The following SGCD variants were observed in gnomAD, a reference collection of about 807,000 sequenced individuals.
SGCD encodes the protein delta-sarcoglycan.
SGCD carries 18 observed loss-of-function variants against 36.6 expected under a neutral mutation model. That is an observed-to-expected ratio of 0.49 (90% CI 0.34 to 0.73). The LOEUF (loss-of-function observed/expected upper bound fraction) is 0.73. Ranked by LOEUF, SGCD falls within the 30% of genes least tolerant of loss-of-function variation. SGCD has a pLI of 0.01. For missense variants in SGCD, 387 were observed against 346.7 expected (o/e 1.12, Z -0.92); for synonymous variants, 133 against 130.6 (o/e 1.02, Z -0.12).
intron 3 of SGCD, among the ~76,000 whole-genome samples, chr5:156,125,860 A>G (rs1296357635): frequency 6.9e-6 from 1 of 144,830 alleles, no homozygotes; most frequent in Non-Finnish European, 1.5e-5. Context: ...TATTATTATT[A>G]TTATTATTAT....
intron 1 of SGCD, among the ~76,000 whole-genome samples, chr5:155,977,945 C>T (rs1758151478): frequency 1.3e-5 from 2 of 151,992 alleles, no homozygotes; most frequent in Admixed American, 6.6e-5. Context: ...ACACAAAAAA[C>T]TAGCTGGACG....
intron 3 of SGCD, among the ~76,000 whole-genome samples, chr5:156,375,648 T>A (rs1274051597): frequency 1.3e-5 from 2 of 152,188 alleles, no homozygotes; most frequent in Non-Finnish European, 2.9e-5. Flanking sequence ...AGGAAAAGCT[T>A]AAACAATTCT....
intron 3 of SGCD, among the ~76,000 whole-genome samples, chr5:156,382,341 C>A (rs778231486): frequency 6.6e-6 from 1 of 152,108 alleles, no homozygotes; most frequent in African/African-American, 2.4e-5. Flanking sequence ...TGTAGAAGCT[C>A]ACTCATGTTA....
intron 1 of SGCD, among the ~76,000 whole-genome samples, chr5:155,875,430 A>G (rs952867983): frequency 6.6e-6 from 1 of 152,160 alleles, no homozygotes; most frequent in Non-Finnish European, 1.5e-5. Flanking sequence ...TAATAATAGC[A>G]TAAATGAAGA....
intron 3 of SGCD, among the ~76,000 whole-genome samples, chr5:156,146,234 A>T (rs760754359): frequency 1.3e-5 from 2 of 152,164 alleles, no homozygotes; most frequent in Non-Finnish European, 2.9e-5. Context: ...ACAAAAAAGG[A>T]TTTGACTTTT....
At chr5:156,616,854 T>A (rs1280484199) in intron 6 of SGCD, among the ~76,000 whole-genome samples, 2 of 152,200 alleles carry the variant, frequency 1.3e-5, no homozygotes, top group Non-Finnish European at 2.9e-5. Flanking sequence ...TACTGGAACA[T>A]GATCACACTC....
At chr5:156,193,006 T>A (rs912879559) in intron 3 of SGCD, among the ~76,000 whole-genome samples, 6 of 151,734 alleles carry the variant, frequency 4.0e-5, no homozygotes, top group Non-Finnish European at 8.8e-5. Flanking sequence ...GAAATTTTAA[T>A]TTCATCTAAC....
intron 4 of SGCD, among the ~76,000 whole-genome samples, chr5:156,570,478 T>C (rs756911212): frequency 2.6e-5 from 4 of 152,232 alleles, no homozygotes; most frequent in Non-Finnish European, 5.9e-5. Context: ...CAACTTTTAA[T>C]TAATGTGTTT....
At chr5:156,193,375 T>C (rs1332398994) in intron 3 of SGCD, among the ~76,000 whole-genome samples, 3 of 152,182 alleles carry the variant, frequency 2.0e-5, no homozygotes, top group Non-Finnish European at 4.4e-5. Context: ...CATTCTTTTG[T>C]GCAAGTTTCT....
chr5:156,283,456 A>AT (rs1297390690), intron 3 of SGCD, among the ~76,000 whole-genome samples: 3 of 151,924 alleles, frequency 2.0e-5, no homozygotes, highest in African/African-American at 2.4e-5. Context: ...TCTTTATAGT[A>AT]TTTTTTTCCA....
At chr5:155,738,681 TGTGTGTGAGAGTGTATATGAGA>T in the SGCD span, among the ~76,000 whole-genome samples, 1 of 147,416 alleles carries the variant, frequency 6.8e-6, no homozygotes, top group Non-Finnish European at 1.5e-5. Context: ...TAGGAGAGTG[TGTGTGTGAGAGTGTATATGAGA>T]GTGTGTGAGT....
intron 6 of SGCD, among the ~76,000 whole-genome samples, chr5:156,629,002 T>C (rs1349118735): frequency 6.6e-6 from 1 of 152,208 alleles, no homozygotes; most frequent in African/African-American, 2.4e-5. Flanking sequence ...TATACTCAGA[T>C]ATATTAAGTT....
At chr5:156,397,557 A>G (rs951416075) in intron 3 of SGCD, among the ~76,000 whole-genome samples, 1 of 152,164 alleles carries the variant, frequency 6.6e-6, no homozygotes, top group Non-Finnish European at 1.5e-5. Context: ...GAAGAGCTTT[A>G]CAGGCCCTGT....
intron 4 of SGCD, among the ~76,000 whole-genome samples, chr5:156,558,635 C>T (rs1759142783): frequency 6.6e-6 from 1 of 152,050 alleles, no homozygotes. Flanking sequence ...CCTAAATCTG[C>T]CACTTAGGAA....
At chr5:156,009,985 C>T (rs6886732) in intron 1 of SGCD, among the ~76,000 whole-genome samples, 1 of 152,206 alleles carries the variant, frequency 6.6e-6, no homozygotes, top group African/African-American at 2.4e-5. Flanking sequence ...GCAAATTTTT[C>T]TCTTTAATGA....
chr5:156,275,782 A>G (rs777227664), intron 3 of SGCD, among the ~76,000 whole-genome samples: 1 of 152,198 alleles, frequency 6.6e-6, no homozygotes, highest in Non-Finnish European at 1.5e-5. Flanking sequence ...TGTGAAGTAT[A>G]TGCTATCATT....
At chr5:155,962,976 A>G (rs967041661) in intron 1 of SGCD, among the ~76,000 whole-genome samples, 4 of 152,120 alleles carry the variant, frequency 2.6e-5, no homozygotes, top group African/African-American at 9.6e-5. Flanking sequence ...TTGAGGCACA[A>G]AAGAAAATCT....
At chr5:155,893,099 A>C (rs1189600073) in intron 1 of SGCD, among the ~76,000 whole-genome samples, 1 of 152,198 alleles carries the variant, frequency 6.6e-6, no homozygotes, top group Non-Finnish European at 1.5e-5. Flanking sequence ...TGGATTTCTG[A>C]AGAGTTAGAA....
chr5:155,903,113 T>G (rs901693754), intron 1 of SGCD, among the ~76,000 whole-genome samples: 1 of 152,182 alleles, frequency 6.6e-6, no homozygotes, highest in African/African-American at 2.4e-5. Flanking sequence ...AGTTTGTGTG[T>G]TCTATTTTGA....
Sources: allele counts gnomAD v4.1 joint callset (sites outside exome capture counted in the v4.1 genomes callset), GRCh38; gene constraint gnomAD v4.1.1; transcripts MANE v1.5; gene names NCBI Gene and HGNC (gene_info 2026-07-23, HGNC 2026-07-21).